Variants in CDIN1 observed in about 807,000 individuals in gnomAD.
CDIN1 encodes the protein CDAN1 interacting nuclease 1, also known as CDAN1-interacting nuclease 1.
A neutral mutation model predicts 45.3 loss-of-function variants in CDIN1; 33 were observed. The observed-to-expected ratio is 0.73, with a 90% CI of 0.55 to 0.97. The LOEUF (loss-of-function observed/expected upper bound fraction) is 0.97, where lower values mean the gene tolerates loss of function less well. CDIN1 is among the 50% of genes least tolerant of loss of function. CDIN1 has a pLI of 0.00. For synonymous variants in CDIN1, 118 were observed against 124.4 expected (o/e 0.95, Z 0.34); for missense variants, 303 against 339.4 (o/e 0.89, Z 0.84).
chr15:36,706,502 A>G (rs1288931063), intron 8 of CDIN1: 2 of 147,724 alleles, frequency 1.4e-5, no homozygotes, highest in African/African-American at 5.1e-5. Context: ...AATCCCAGCT[A>G]CTTGAAAGGC....
intron 10 of CDIN1, among the ~76,000 whole-genome samples, chr15:36,767,132 A>C (rs777990779): frequency 6.6e-6 from 1 of 151,816 alleles, no homozygotes; most frequent in Non-Finnish European, 1.5e-5. Context: ...ATAAGGGTCC[A>C]ATTTTATTCT....
intron 10 of CDIN1, among the ~76,000 whole-genome samples, chr15:36,718,437 A>G (rs547095120): frequency 1.6e-4 from 24 of 152,262 alleles, no homozygotes; most frequent in African/African-American, 5.5e-4. Flanking sequence ...TTACAGATCA[A>G]TTTGGGAAGA....
At chr15:36,774,906 AAAGC>A (rs1185307376) in intron 10 of CDIN1, among the ~76,000 whole-genome samples, 3 of 152,246 alleles carry the variant, frequency 2.0e-5, no homozygotes, top group Non-Finnish European at 4.4e-5. Context: ...TTTATCATAG[AAAGC>A]AAGAAAAAAA....
chr15:36,744,058 G>C (rs368590499), intron 10 of CDIN1, among the ~76,000 whole-genome samples: 3 of 148,586 alleles, frequency 2.0e-5, no homozygotes, highest in African/African-American at 7.5e-5. Flanking sequence ...TTCATGAAAT[G>C]CATCACCAGA....
intron 10 of CDIN1, among the ~76,000 whole-genome samples, chr15:36,741,970 T>C (rs1281909850): frequency 3.3e-5 from 5 of 152,192 alleles, no homozygotes; most frequent in Non-Finnish European, 7.3e-5. Flanking sequence ...GGTTTTGGTA[T>C]TTTGGTTTAT....
chr15:36,682,635 T>C (rs951506115), intron 5 of CDIN1, among the ~76,000 whole-genome samples: 2 of 148,708 alleles, frequency 1.3e-5, no homozygotes, highest in East Asian at 2.0e-4. Flanking sequence ...GGGGTTGTGG[T>C]GGCATGCACT....
intron 1 of CDIN1, among the ~76,000 whole-genome samples, chr15:36,637,538 A>G (rs1212624413): frequency 6.6e-6 from 1 of 152,188 alleles, no homozygotes; most frequent in East Asian, 1.9e-4. Context: ...AGTCGTTACA[A>G]ACACTTGAAA....
At chr15:36,618,512 T>C (rs938991588) in intron 1 of CDIN1, 1 of 1,232,780 alleles carries the variant, frequency 8.1e-7, no homozygotes, top group Non-Finnish European at 1.2e-6. Flanking sequence ...ACACCAAAGT[T>C]TGACTTACTA....
rs540725548 is a variant in CDIN1, at chr15:36,729,864, T to C, written c.716+19903T>C. On this transcript the variant is annotated intron_variant, in intron 10 of 10. Transcript: ENST00000566621. ...TAGGCTAGATGACTGGTAGTACTTA[T>C]CAAAACTAATGCTATCTGAAGTACC... Among the ~76,000 whole-genome samples, 5 of 152,334 alleles carry C rather than the reference T, an allele frequency of 3.3e-5. No homozygotes were observed. In the East Asian group the frequency reaches 9.6e-4, roughly 29 times the overall value.
intron 10 of CDIN1, among the ~76,000 whole-genome samples, chr15:36,787,957 T>A (rs1176890320): frequency 6.7e-6 from 1 of 150,316 alleles, no homozygotes; most frequent in Non-Finnish European, 1.5e-5. Context: ...TCATACTTTT[T>A]AATAGAAATT....
chr15:36,797,616 TCTTG>T (rs2054847560), intron 10 of CDIN1, among the ~76,000 whole-genome samples: 1 of 152,166 alleles, frequency 6.6e-6, no homozygotes, highest in African/African-American at 2.4e-5. Flanking sequence ...ATCCCAGCAA[TCTTG>T]CAATTCGCTC....
At chr15:36,590,323 T>C (rs902841700) in intron 1 of CDIN1, among the ~76,000 whole-genome samples, 34 of 152,232 alleles carry the variant, frequency 2.2e-4, no homozygotes, top group African/African-American at 7.7e-4. Context: ...TGAAATACTA[T>C]GATTCAGTTG....
intron 10 of CDIN1, among the ~76,000 whole-genome samples, chr15:36,800,963 T>C (rs189045975): frequency 1.6e-5 from 2 of 123,956 alleles, no homozygotes; most frequent in Non-Finnish European, 3.5e-5. Flanking sequence ...GCTGTTCTTG[T>C]TTTAGAGAAG....
intron 8 of CDIN1, chr15:36,708,540 C>G (rs910565479): frequency 6.8e-6 from 1 of 146,298 alleles, no homozygotes; most frequent in Admixed American, 6.9e-5. Flanking sequence ...TTCCTGCCTT[C>G]TTTCCTTCCT....
chr15:36,582,615 A>G (rs1466576701), intron 1 of CDIN1, among the ~76,000 whole-genome samples: 1 of 152,190 alleles, frequency 6.6e-6, no homozygotes, highest in East Asian at 1.9e-4. Flanking sequence ...CTATTTTTAT[A>G]AAAATAGTCG....
At chr15:36,633,418 A>G (rs1295153136) in intron 1 of CDIN1, among the ~76,000 whole-genome samples, 4 of 152,090 alleles carry the variant, frequency 2.6e-5, no homozygotes, top group Non-Finnish European at 5.9e-5. Flanking sequence ...ATCCATATAT[A>G]TATTCACAAA....
At chr15:36,709,527 T>C (rs1480024251) in intron 9 of CDIN1, among the ~76,000 whole-genome samples, 1 of 152,202 alleles carries the variant, frequency 6.6e-6, no homozygotes, top group Non-Finnish European at 1.5e-5. Context: ...CTTATTTCTC[T>C]AAATTTCAAA....
intron 7 of CDIN1, among the ~76,000 whole-genome samples, chr15:36,694,575 C>CT (rs140646218): frequency 1.3e-5 from 2 of 151,528 alleles, no homozygotes; most frequent in African/African-American, 2.4e-5. Flanking sequence ...TGTGCTTTCT[C>CT]TTTTTTTTTG....
At position 36,808,348 on chromosome 15, in the gene CDIN1, T is replaced by C. The variant is rs2055297716; in HGVS notation, c.741T>C (p.Tyr247=). 7 of 1,613,426 alleles carry C rather than the reference T, an allele frequency of 4.3e-6. No homozygotes were observed. The highest frequency in any genetic ancestry group is 5.9e-6 in the Non-Finnish European group (7 of 1,179,596). Residue 247 remains tyrosine (Y), a synonymous_variant, in exon 11 of 11, where the codon TAT becomes TAC. Coordinates refer to ENST00000566621, the MANE Select transcript of CDIN1 (RefSeq NM_001321759.2). ...WNRFGPGLVI[Y]WYGFIQELDC... Reference sequence around the variant, plus strand: ...GATTTGGGCCAGGCTTAGTCATCTATTGGTATGGATTTATCCAGGAGCTGG... The same window carrying C: ...GATTTGGGCCAGGCTTAGTCATCTACTGGTATGGATTTATCCAGGAGCTGG...
Sources: gnomAD v4.1 joint callset for allele counts (sites outside exome capture counted in the v4.1 genomes callset) on GRCh38, gnomAD v4.1.1 for gene constraint, MANE v1.5 for transcripts, NCBI Gene and HGNC (gene_info 2026-07-23, HGNC 2026-07-21) for gene names.